Variants in ADGRB1 observed in about 807,000 individuals in gnomAD.
The protein encoded by ADGRB1 is brain-specific angiogenesis inhibitor 1.
In ADGRB1, 36 loss-of-function variants were observed where a neutral mutation model predicts 175.7. That is an observed-to-expected ratio of 0.20 (90% CI 0.16 to 0.27). ADGRB1 has a LOEUF of 0.27. ADGRB1 is among the 10% of genes least tolerant of loss of function. ADGRB1 has a pLI of 1.00. For synonymous variants in ADGRB1, 1,054 were observed against 979.4 expected (o/e 1.08, Z -1.42); for missense variants, 1,731 against 2,255.3 (o/e 0.77, Z 4.71).
rs1842037948 is a variant in ADGRB1 at position 142,492,713 on chromosome 8, C to T, written c.2675+1898C>T. On this transcript the variant is annotated intron_variant, in intron 17 of 30. Coordinates refer to ENST00000517894, the MANE Select transcript of ADGRB1 (RefSeq NM_001702.3). The surrounding 1 kb of genome is among the most constrained non-coding windows in gnomAD (Gnocchi z 4.4). The stretch of plus-strand genomic sequence containing the variant: ...GGGGAAAGCTGGGTGCCCTGCAGCC[C>T]TGGGGAGCCAGCTCTCTAGCTCTCG... Among the ~76,000 whole-genome samples the T allele has an allele frequency of 6.6e-6, 1 of 152,170 alleles. No homozygotes were observed. Among genetic ancestry groups the T allele is most frequent in the Non-Finnish European group, 1.5e-5 (1 of 68,014 alleles).
chr8:142,461,916 A>T lies in ADGRB1; in HGVS notation c.-219-2064A>T, dbSNP rs2131661614. On this transcript the variant is annotated intron_variant, in intron 1 of 30. Transcript: ENST00000517894. ...CAGGCTCTGCCGACACTCAGCCAGG[A>T]CTGGGCTCACCCCGGGACTGTAGCG... Among the ~76,000 whole-genome samples, 5 of 152,244 alleles carry T rather than the reference A, an allele frequency of 3.3e-5. 2 individuals carry two copies. The highest frequency in any genetic ancestry group is 3.3e-4 in the Admixed American group (5 of 15,306).
At chr8:142,478,521 G>A (rs1224305365) in intron 7 of ADGRB1, among the ~76,000 whole-genome samples, 161 bp downstream of exon 7, 1 of 151,440 alleles carries the variant, frequency 6.6e-6, no homozygotes, top group Non-Finnish European at 1.5e-5. Context: ...TGGGGGAAAC[G>A]GAGCATGGGG....
At chr8:142,514,384 G>C (rs1003046858) in intron 18 of ADGRB1, among the ~76,000 whole-genome samples, 1 of 152,136 alleles carries the variant, frequency 6.6e-6, no homozygotes, top group Non-Finnish European at 1.5e-5. Flanking sequence ...CCGGCTCTGC[G>C]GCTGCAGCAG....
intron 20 of ADGRB1, among the ~76,000 whole-genome samples, 157 bp downstream of exon 20, chr8:142,521,082 T>A (rs1843812837): frequency 2.6e-5 from 4 of 152,116 alleles, no homozygotes; most frequent in Admixed American, 2.6e-4. Flanking sequence ...TTCCCTGCCC[T>A]CTGCTGTGGC....
rs1845330719 is a variant in ADGRB1, at chr8:142,542,441, C to T, written c.4207C>T (p.Pro1403Ser). ...PPSRQPPSGG[P>S]PEAPPAQPPP... is the part of the protein sequence containing the mutation. Reference sequence around the variant, plus strand: ...CTCCCGCCAGCCCCCCAGCGGCGGGCCCCCCGAGGCACCCCCTGCCCAGCC... The same window carrying T: ...CTCCCGCCAGCCCCCCAGCGGCGGGTCCCCCGAGGCACCCCCTGCCCAGCC... The change falls in exon 28 of 31, where the codon CCC becomes TCC. Residue 1403 changes from proline (P) to serine (S), a missense_variant. Physicochemically the swap from Pro to Ser is moderately conservative, Grantham distance 74. Transcript: ENST00000517894. This position sits in a 1 kb window ranked among gnomAD's most constrained non-coding sequence, Gnocchi z 6.3. 3.6e-6 allele frequency: 4 copies of T among 1,097,378 alleles called. No individual in the cohort carries two copies. The highest frequency in any genetic ancestry group is 1.9e-5 in the African/African-American group (1 of 52,066). The allele number at this position is 1,097,378 out of a possible 1,614,324, so 68.0% of individuals were successfully genotyped here. A position where few individuals can be genotyped will look rare whatever the true frequency, so the allele number is the denominator to read the frequency against.
At chr8:142,469,475 G>A (rs1357609946) in intron 2 of ADGRB1, among the ~76,000 whole-genome samples, 1 of 150,048 alleles carries the variant, frequency 6.7e-6, no homozygotes, top group Non-Finnish European at 1.5e-5. Context: ...GCACGTGCAT[G>A]TGTGAGTGTG....
In ADGRB1 at chr8:142,544,787, G is replaced by A. The variant is rs973595551; in HGVS notation, c.*370G>A. 4.7e-5 allele frequency: 8 copies of A among 168,728 alleles called. No individual in the cohort carries two copies. The highest frequency in any genetic ancestry group is 7.6e-5 in the Non-Finnish European group (6 of 79,372). 10.5% of individuals were successfully genotyped at this position (168,728 alleles called of 1,614,324 possible). A position where few individuals can be genotyped will look rare whatever the true frequency, so the allele number is the denominator to read the frequency against. ...GCGGAGGAGCTGCCTGCTTGGCCCGGCCGGCCTGGCACCGTTTTTTAAACA... is the reference window on the plus strand; with the variant it reads ...GCGGAGGAGCTGCCTGCTTGGCCCGACCGGCCTGGCACCGTTTTTTAAACA... On this transcript the variant is annotated 3_prime_UTR_variant, in exon 31 of 31. Coordinates refer to ENST00000517894, the MANE Select transcript of ADGRB1 (RefSeq NM_001702.3).
At chr8:142,468,190 C>T (rs1239777906) in intron 2 of ADGRB1, among the ~76,000 whole-genome samples, 1 of 151,772 alleles carries the variant, frequency 6.6e-6, no homozygotes, top group Non-Finnish European at 1.5e-5. Context: ...GTGTGGGTGC[C>T]CCCATGTAAG....
intron 9 of ADGRB1, among the ~76,000 whole-genome samples, chr8:142,480,899 G>T (rs989740592): frequency 6.6e-6 from 1 of 152,166 alleles, no homozygotes; most frequent in African/African-American, 2.4e-5. Flanking sequence ...CCAGGCAGGG[G>T]CCCAGGGTGC....
intron 1 of ADGRB1, among the ~76,000 whole-genome samples, chr8:142,450,907 C>G (rs527596717): frequency 4.0e-4 from 61 of 152,300 alleles, no homozygotes; most frequent in Non-Finnish European, 4.4e-5. Flanking sequence ...GGCCCTATGC[C>G]GTCTCCGCTC....
intron 17 of ADGRB1, among the ~76,000 whole-genome samples, chr8:142,497,925 C>G (rs75467703): frequency 0.049 from 7,527 of 152,274 alleles, 574 homozygotes; most frequent in African/African-American, 0.17. Flanking sequence ...GCCTGAACTT[C>G]GAGTGGGCTA....
At chr8:142,541,387 G>A (rs1344875874) in intron 27 of ADGRB1, among the ~76,000 whole-genome samples, 4 of 152,220 alleles carry the variant, frequency 2.6e-5, no homozygotes, top group Admixed American at 1.3e-4. Flanking sequence ...GGGACCAGGC[G>A]GCCCTCAGGG....
At position 142,504,459 on chromosome 8, in the gene ADGRB1, G is replaced by T. The variant is rs375723322; in HGVS notation, c.2676-6473G>T. Among the ~76,000 whole-genome samples the T allele has an allele frequency of 1.9e-3, 296 of 152,288 alleles. 1 individual carries two copies. In the Middle Eastern group the frequency reaches 0.031, roughly 16 times the overall value. The stretch of plus-strand genomic sequence containing the variant: ...AGGCAGGGCCACCAGGGCCAAGGGA[G>T]GCCCCTCTGGGATGGTCGCGGGGGG... On this transcript the variant is annotated intron_variant, in intron 17 of 30. Coordinates refer to ENST00000517894, the MANE Select transcript of ADGRB1 (RefSeq NM_001702.3). The surrounding 1 kb of genome is among the most constrained non-coding windows in gnomAD (Gnocchi z 5.6).
In ADGRB1 at chr8:142,455,948, A is replaced by G. The variant is rs1489550810; in HGVS notation, c.-220+5844A>G. Among the ~76,000 whole-genome samples the G allele has an allele frequency of 6.6e-6, 1 of 151,988 alleles. No individual in the cohort carries two copies. The highest frequency in any genetic ancestry group is 1.5e-5 in the Non-Finnish European group (1 of 67,982). ...ACCTGCCTGTCCCGGAGAGTGCCAG[A>G]GCGTCCAGGGTAGCGCCTGTGTAGT... On this transcript the variant is annotated intron_variant, in intron 1 of 30. Coordinates refer to ENST00000517894, the MANE Select transcript of ADGRB1 (RefSeq NM_001702.3). This position sits in a 1 kb window ranked among gnomAD's most constrained non-coding sequence, Gnocchi z 4.9.
rs186627878 is a variant in ADGRB1 at position 142,481,507 on chromosome 8, T to C, written c.1936-10T>C. ...GAGGTGAAGGCACCCGCCCTCTCTGTCTTCCGCAGACCCGGGAGCACCTGG... is the reference window on the plus strand; with the variant it reads ...GAGGTGAAGGCACCCGCCCTCTCTGCCTTCCGCAGACCCGGGAGCACCTGG... On this transcript the variant is annotated splice_polypyrimidine_tract_variant and intron_variant, in intron 10 of 30. Transcript: ENST00000517894. The C allele has an allele frequency of 3.8e-5, 60 of 1,573,232 alleles. No homozygotes were observed. The African/African-American group carries it at 7.2e-4, about 19-fold the overall frequency.
At chr8:142,500,671 G>A (rs1323180875) in intron 17 of ADGRB1, among the ~76,000 whole-genome samples, 4 of 152,026 alleles carry the variant, frequency 2.6e-5, no homozygotes, top group African/African-American at 4.8e-5. Flanking sequence ...AGAGAGGGAG[G>A]GTGGTGACTG....
Position 142,543,505 on chromosome 8 carries a change from A to C in ADGRB1, c.4449+67A>C. 2 of 1,608,624 alleles carry C rather than the reference A, an allele frequency of 1.2e-6. No individual in the cohort carries two copies. Among genetic ancestry groups the C allele is most frequent in the Non-Finnish European group, 8.5e-7 (1 of 1,177,172 alleles). ...ATGTGCTCTGGGCTCCCACACGGCC[A>C]GGCAGCTCCCCGGCAGCCAGGGGAC... On this transcript the variant is annotated intron_variant, in intron 29 of 30. Coordinates refer to ENST00000517894, the MANE Select transcript of ADGRB1 (RefSeq NM_001702.3). The surrounding 1 kb of genome is among the most constrained non-coding windows in gnomAD (Gnocchi z 4.4).
chr8:142,521,067 G>A (rs1843811231), intron 20 of ADGRB1, 142 bp downstream of exon 20: 2 of 768,992 alleles, frequency 2.6e-6, no homozygotes, highest in Non-Finnish European at 4.1e-6. Context: ...CCCAGCTACA[G>A]GGAGTTCCCT....
intron 17 of ADGRB1, among the ~76,000 whole-genome samples, chr8:142,506,234 G>A (rs1021185455): frequency 1.8e-4 from 27 of 152,214 alleles, no homozygotes; most frequent in African/African-American, 6.3e-4. Context: ...CTGGTGGTCT[G>A]CAGAGGGGTG....
Sources: allele counts gnomAD v4.1 joint callset (sites outside exome capture counted in the v4.1 genomes callset), GRCh38; gene constraint gnomAD v4.1.1; non-coding constraint Gnocchi (gnomAD v3.1); transcripts MANE v1.5; gene names NCBI Gene and HGNC (gene_info 2026-07-23, HGNC 2026-07-21).